Variants in SLC25A21 observed in about 807,000 individuals in gnomAD.
The protein encoded by SLC25A21 is solute carrier family 25 member 21, also known as mitochondrial 2-oxodicarboxylate carrier.
Under a neutral mutation model 43.8 loss-of-function variants are expected in SLC25A21, and 47 were observed. The ratio of observed to expected loss-of-function variants is 1.07; its 90% CI spans 0.85 to 1.37. The LOEUF (loss-of-function observed/expected upper bound fraction) is 1.37. Ranked by LOEUF, SLC25A21 falls within the 40% of genes most tolerant of loss-of-function variation. The pLI is 0.00. For synonymous variants in SLC25A21, 131 were observed against 121.3 expected, an observed-to-expected ratio of 1.08 and a Z score of -0.52; for missense variants, 352 against 350.2, an observed-to-expected ratio of 1.00 and a Z score of -0.04.
intron 1 of SLC25A21, among the ~76,000 whole-genome samples, chr14:37,073,517 T>G (rs891802767): frequency 3.9e-5 from 6 of 152,144 alleles, no homozygotes; most frequent in African/African-American, 1.4e-4. Flanking sequence ...CCTGCCTGGG[T>G]CTTCATTCTT....
chr14:36,704,700 A>G (rs1317685658), intron 7 of SLC25A21, among the ~76,000 whole-genome samples: 1 of 152,080 alleles, frequency 6.6e-6, no homozygotes, highest in East Asian at 1.9e-4. Context: ...AACAAACAAA[A>G]AAAACAAGGT....
At chr14:36,710,995 T>C (rs558494812) in intron 7 of SLC25A21, among the ~76,000 whole-genome samples, 37 of 152,318 alleles carry the variant, frequency 2.4e-4, no homozygotes, top group African/African-American at 8.7e-4. Flanking sequence ...ACATAGTTTC[T>C]AGAAATTCCT....
Position 36,993,341 on chromosome 14 carries a change from C to T in SLC25A21, c.71-118337G>A, listed in dbSNP as rs529896990. On this transcript the variant is annotated intron_variant, in intron 1 of 9. Coordinates refer to ENST00000331299, the MANE Select transcript of SLC25A21 (RefSeq NM_030631.4). Reference sequence around the variant, plus strand: ...CAAATATTCAGTCGTTTCAAAGCCACGAGTTTTATGGCTTTAAAAATAAAA... The same window carrying T: ...CAAATATTCAGTCGTTTCAAAGCCATGAGTTTTATGGCTTTAAAAATAAAA... Among the ~76,000 whole-genome samples the T allele has an allele frequency of 6.2e-4, 95 of 152,154 alleles. 1 individual carries two copies. The highest frequency in any genetic ancestry group is 4.2e-4 in the South Asian group (2 of 4,812).
In SLC25A21 at chr14:36,678,976, A is replaced by G. The variant is rs1882048352; in HGVS notation, c.*1682T>C. On this transcript the variant is annotated 3_prime_UTR_variant, in exon 10 of 10. Transcript: ENST00000331299. ...AAGATTATTATTGGTTAATGTTGAC[A>G]TATTTCCTCTATCTCATAGATGGTA... 1 of 982,192 alleles carries G rather than the reference A, an allele frequency of 1.0e-6. No individual in the cohort carries two copies. Among genetic ancestry groups the G allele is most frequent in the Non-Finnish European group, 1.2e-6 (1 of 827,716 alleles). The allele number at this position is 982,192 out of a possible 1,614,324, so 60.8% of individuals were successfully genotyped here.
At chr14:36,984,155 A>G (rs537706406) in intron 1 of SLC25A21, among the ~76,000 whole-genome samples, 1 of 152,278 alleles carries the variant, frequency 6.6e-6, no homozygotes, top group African/African-American at 2.4e-5. Context: ...AACAACAATA[A>G]CAGTAACAGC....
At chr14:37,108,583 G>C (rs1193768662) in intron 1 of SLC25A21, among the ~76,000 whole-genome samples, 1 of 152,124 alleles carries the variant, frequency 6.6e-6, no homozygotes, top group East Asian at 1.9e-4. Flanking sequence ...TTATCAGACA[G>C]AAAAGCTATA....
At chr14:37,130,188 C>T (rs1963369179) in intron 1 of SLC25A21, among the ~76,000 whole-genome samples, 1 of 151,968 alleles carries the variant, frequency 6.6e-6, no homozygotes, top group African/African-American at 2.4e-5. Context: ...TGATTGAGCC[C>T]AGGAGTTAGA....
At chr14:36,887,440 G>C (rs1291332438) in intron 1 of SLC25A21, among the ~76,000 whole-genome samples, 1 of 151,754 alleles carries the variant, frequency 6.6e-6, no homozygotes, top group Non-Finnish European at 1.5e-5. Flanking sequence ...GTGCACACCT[G>C]TAATCCTAGC....
intron 1 of SLC25A21, among the ~76,000 whole-genome samples, chr14:37,117,441 G>A (rs1462657726): frequency 2.0e-5 from 3 of 152,100 alleles, no homozygotes; most frequent in African/African-American, 4.8e-5. Context: ...CAGGCACATC[G>A]TAAACATACT....
intron 1 of SLC25A21, among the ~76,000 whole-genome samples, chr14:37,126,445 T>A (rs1245171062): frequency 1.3e-5 from 2 of 151,914 alleles, no homozygotes; most frequent in Admixed American, 6.6e-5. Context: ...TTTATTTAAT[T>A]ATACATATAA....
chr14:37,052,371 T>C (rs1961727579), intron 1 of SLC25A21, among the ~76,000 whole-genome samples: 1 of 152,146 alleles, frequency 6.6e-6, no homozygotes, highest in South Asian at 2.1e-4. Flanking sequence ...AACTGCAGGC[T>C]CCTGGATGCA....
chr14:37,060,929 C>A (rs745855738), intron 1 of SLC25A21, among the ~76,000 whole-genome samples: 3 of 152,168 alleles, frequency 2.0e-5, no homozygotes, highest in African/African-American at 7.2e-5. Context: ...ATCCAGGGGA[C>A]GTTCTGCCCA....
At chr14:36,795,586 G>T (rs1887643696) in intron 3 of SLC25A21, among the ~76,000 whole-genome samples, 1 of 152,164 alleles carries the variant, frequency 6.6e-6, no homozygotes, top group South Asian at 2.1e-4. Context: ...ATAACTTCTA[G>T]ACTTTTAGTC....
chr14:37,147,625 T>C (rs370339942), intron 1 of SLC25A21, among the ~76,000 whole-genome samples: 444 of 120,848 alleles, frequency 3.7e-3, no homozygotes, highest in African/African-American at 0.012. Flanking sequence ...TATTTCACAC[T>C]TATTTCAGGT....
At chr14:36,718,758 T>A (rs923465123) in intron 6 of SLC25A21, among the ~76,000 whole-genome samples, 23 of 152,184 alleles carry the variant, frequency 1.5e-4, no homozygotes, top group African/African-American at 4.6e-4. Context: ...GCTAATTTTT[T>A]AAAAAATCCC....
At chr14:37,136,405 T>C (rs1963480066) in intron 1 of SLC25A21, among the ~76,000 whole-genome samples, 1 of 152,160 alleles carries the variant, frequency 6.6e-6, no homozygotes, top group African/African-American at 2.4e-5. Flanking sequence ...AATTCAGCTG[T>C]ATGAATCCAG....
chr14:36,953,896 G>A (rs1239569240), intron 1 of SLC25A21, among the ~76,000 whole-genome samples: 1 of 152,138 alleles, frequency 6.6e-6, no homozygotes, highest in South Asian at 2.1e-4. Flanking sequence ...CAGACACTCT[G>A]AAGGGAAAAA....
chr14:37,091,204 G>T (rs1023230818), intron 1 of SLC25A21, among the ~76,000 whole-genome samples: 6 of 152,092 alleles, frequency 3.9e-5, no homozygotes, highest in Admixed American at 3.9e-4. Flanking sequence ...GGAGGTCGAG[G>T]CAGGTGGATC....
At chr14:36,711,660 T>C (rs1305232736) in intron 6 of SLC25A21, among the ~76,000 whole-genome samples, 178 bp from the exon 7 acceptor site, 2 of 152,162 alleles carry the variant, frequency 1.3e-5, no homozygotes, top group Non-Finnish European at 2.9e-5. Context: ...CAAACAAAAT[T>C]GCATGCATAA....
Sources: allele counts gnomAD v4.1 joint callset (sites outside exome capture counted in the v4.1 genomes callset), GRCh38; gene constraint gnomAD v4.1.1; transcripts MANE v1.5; gene names NCBI Gene and HGNC (gene_info 2026-07-23, HGNC 2026-07-21).